DPP10: variants seen among roughly 807,000 people sequenced by gnomAD.
DPP10 encodes the protein dipeptidyl peptidase like 10.
A neutral mutation model predicts 120.9 loss-of-function variants in DPP10; 33 were observed. That is an observed-to-expected ratio of 0.27 (90% CI 0.21 to 0.37). The LOEUF (loss-of-function observed/expected upper bound fraction) is 0.37, where lower values mean the gene tolerates loss of function less well. Among genes scored for constraint, DPP10 ranks in the 10% least tolerant of loss-of-function variants. DPP10 has a pLI of 1.00. For synonymous variants in DPP10, 337 were observed against 326.1 expected, an observed-to-expected ratio of 1.03 and a Z score of -0.36; for missense variants, 816 against 942.8, an observed-to-expected ratio of 0.87 and a Z score of 1.76.
chr2:115,179,259 C>A (rs191409063), intron 1 of DPP10, among the ~76,000 whole-genome samples: 95 of 152,134 alleles, frequency 6.2e-4, no homozygotes, highest in African/African-American at 2.1e-3. Flanking sequence ...AACAAATTCC[C>A]TCTATTTTCT....
At chr2:115,529,396 T>C (rs1053008915) in intron 5 of DPP10, among the ~76,000 whole-genome samples, 5 of 151,926 alleles carry the variant, frequency 3.3e-5, no homozygotes, top group Non-Finnish European at 5.9e-5. Flanking sequence ...TTTGAACTCC[T>C]GACCTCAGGG....
At chr2:115,283,410 A>T (rs558231126) in intron 1 of DPP10, among the ~76,000 whole-genome samples, 1 of 152,154 alleles carries the variant, frequency 6.6e-6, no homozygotes, top group African/African-American at 2.4e-5. Flanking sequence ...TACATTGGCT[A>T]ATTCTTCTCA....
chr2:115,142,903 G>A (rs764274627), intron 1 of DPP10, among the ~76,000 whole-genome samples: 1 of 152,110 alleles, frequency 6.6e-6, no homozygotes, highest in Admixed American at 6.5e-5. Flanking sequence ...GCTGCTGCTG[G>A]TGGTGGTGGG....
chr2:114,759,943 A>G (rs182970397), intron 1 of DPP10, among the ~76,000 whole-genome samples: 69 of 152,344 alleles, frequency 4.5e-4, no homozygotes, highest in African/African-American at 1.6e-3. Flanking sequence ...AATCAGTTAT[A>G]TGGAAAAGAC....
At chr2:114,806,284 C>G (rs1489617853) in intron 1 of DPP10, among the ~76,000 whole-genome samples, 1 of 152,162 alleles carries the variant, frequency 6.6e-6, no homozygotes, top group Non-Finnish European at 1.5e-5. Flanking sequence ...ATGTTTGCAA[C>G]TGAAGCTAGC....
intron 1 of DPP10, among the ~76,000 whole-genome samples, chr2:115,208,521 C>G (rs2056308976): frequency 6.6e-6 from 1 of 152,168 alleles, no homozygotes; most frequent in South Asian, 2.1e-4. Flanking sequence ...TCCTTTACCT[C>G]TTGCTACTTG....
At chr2:115,006,361 A>G (rs1001216539) in intron 1 of DPP10, among the ~76,000 whole-genome samples, 1 of 152,024 alleles carries the variant, frequency 6.6e-6, no homozygotes, top group Non-Finnish European at 1.5e-5. Context: ...AAATTCACAC[A>G]TAACACTATT....
At chr2:115,731,697 G>T (rs1170938631) in intron 8 of DPP10, among the ~76,000 whole-genome samples, 1 of 152,126 alleles carries the variant, frequency 6.6e-6, no homozygotes, top group Non-Finnish European at 1.5e-5. Flanking sequence ...GTCCTTCACT[G>T]TTCCCCAAGA....
At chr2:114,444,615 T>C (rs1170356390) in intron 1 of DPP10, among the ~76,000 whole-genome samples, 1 of 152,148 alleles carries the variant, frequency 6.6e-6, no homozygotes, top group African/African-American at 2.4e-5. Context: ...TTTTACATCA[T>C]CTTGCTGATC....
chr2:114,780,146 G>C (rs905508135), intron 1 of DPP10, among the ~76,000 whole-genome samples: 1 of 151,624 alleles, frequency 6.6e-6, no homozygotes, highest in African/African-American at 2.4e-5. Flanking sequence ...AAAAAAGAAA[G>C]GAGGGAAAGG....
chr2:115,826,954 A>G (rs1322603551), intron 21 of DPP10, among the ~76,000 whole-genome samples: 1 of 152,148 alleles, frequency 6.6e-6, no homozygotes, highest in African/African-American at 2.4e-5. Context: ...TCTAGATTTT[A>G]AATAATGTAT....
chr2:114,484,732 T>C (rs1321523593), intron 1 of DPP10, among the ~76,000 whole-genome samples: 4 of 152,116 alleles, frequency 2.6e-5, no homozygotes, highest in Admixed American at 6.6e-5. Flanking sequence ...GTGATTCATA[T>C]AGTGTTCATT....
chr2:115,038,663 C>G (rs1704407649), intron 1 of DPP10, among the ~76,000 whole-genome samples: 1 of 152,162 alleles, frequency 6.6e-6, no homozygotes, highest in African/African-American at 2.4e-5. Flanking sequence ...TTACTAACCA[C>G]TTTTACTACG....
chr2:115,734,655 T>TAA (rs55950813), intron 8 of DPP10, among the ~76,000 whole-genome samples: 17 of 100,430 alleles, frequency 1.7e-4, no homozygotes, highest in African/African-American at 6.6e-4. Context: ...GACTCTGTCT[T>TAA]AAAAAAAAAA....
At chr2:114,764,133 G>A (rs532989725) in intron 1 of DPP10, among the ~76,000 whole-genome samples, 1 of 152,100 alleles carries the variant, frequency 6.6e-6, no homozygotes, top group Non-Finnish European at 1.5e-5. Flanking sequence ...GTCTTCAACT[G>A]TATTACTAAA....
intron 11 of DPP10, among the ~76,000 whole-genome samples, chr2:115,756,053 C>T (rs140928984): frequency 1.6e-4 from 24 of 151,988 alleles, no homozygotes; most frequent in Non-Finnish European, 2.6e-4. Context: ...GTCTGGAGGA[C>T]GTTATGTTAA....
At chr2:115,177,832 C>G (rs2053803474) in intron 1 of DPP10, among the ~76,000 whole-genome samples, 1 of 152,128 alleles carries the variant, frequency 6.6e-6, no homozygotes, top group Non-Finnish European at 1.5e-5. Flanking sequence ...GGCGCGATCT[C>G]TGCTCGCTGC....
chr2:115,769,113 A>T (rs1051151136), intron 13 of DPP10, among the ~76,000 whole-genome samples: 1 of 152,090 alleles, frequency 6.6e-6, no homozygotes, highest in African/African-American at 2.4e-5. Flanking sequence ...TTCCAAGAGC[A>T]AGCATACATG....
At chr2:114,680,516 T>A (rs1698959249) in intron 1 of DPP10, among the ~76,000 whole-genome samples, 3 of 152,038 alleles carry the variant, frequency 2.0e-5, no homozygotes, top group Non-Finnish European at 4.4e-5. Context: ...GTATTTTGCC[T>A]TTCTTCTTTA....
Sources: gnomAD v4.1 joint callset for allele counts (sites outside exome capture counted in the v4.1 genomes callset) on GRCh38, gnomAD v4.1.1 for gene constraint, MANE v1.5 for transcripts, NCBI Gene and HGNC (gene_info 2026-07-23, HGNC 2026-07-21) for gene names.